TEX26: variants seen among roughly 807,000 people sequenced by gnomAD.
TEX26 encodes testis expressed 26.
TEX26 carries 34 observed loss-of-function variants against 35.3 expected under a neutral mutation model. The observed-to-expected ratio is 0.96, with a 90% confidence interval of 0.73 to 1.28. The LOEUF (loss-of-function observed/expected upper bound fraction) is 1.28, where lower values mean the gene tolerates loss of function less well. Among genes scored for constraint, TEX26 ranks in the 50% most tolerant of loss-of-function variants. The probability of loss-of-function intolerance (pLI) is 0.00; values close to 1 mark genes in which losing one functional copy is unlikely to be tolerated. For missense variants in TEX26, 371 were observed against 330.1 expected, an observed-to-expected ratio of 1.12 and a Z score of -0.96; for synonymous variants, 136 against 111.8, an observed-to-expected ratio of 1.22 and a Z score of -1.36.
At chr13:30,959,588 T>C (rs1392653283) in intron 4 of TEX26, among the ~76,000 whole-genome samples, 2 of 146,828 alleles carry the variant, frequency 1.4e-5, no homozygotes, top group East Asian at 3.8e-4. Context: ...CATTATTTCC[T>C]TTGCTTGTTG....
At chr13:30,949,696 T>C (rs1953849098) in intron 2 of TEX26, among the ~76,000 whole-genome samples, 1 of 152,054 alleles carries the variant, frequency 6.6e-6, no homozygotes, top group African/African-American at 2.4e-5. Context: ...ATGTATAAGT[T>C]GTTTGTGAAG....
At chr13:30,955,799 G>A (rs959634940) in intron 3 of TEX26, among the ~76,000 whole-genome samples, 1 of 152,206 alleles carries the variant, frequency 6.6e-6, no homozygotes, top group African/African-American at 2.4e-5. Context: ...TGCAGGCGGG[G>A]CTGGGCCTTG....
At chr13:30,949,055 A>G (rs1222037501) in intron 2 of TEX26, among the ~76,000 whole-genome samples, 1 of 152,146 alleles carries the variant, frequency 6.6e-6, no homozygotes, top group Non-Finnish European at 1.5e-5. Flanking sequence ...AGCTGTAGAT[A>G]TGCGGCATTA....
Position 30,969,000 on chromosome 13 carries a change from T to C in TEX26, c.762T>C (p.Phe254=), listed in dbSNP as rs147322456. The change falls in exon 6 of 7, where the codon TTT becomes TTC. Residue 254 remains phenylalanine (F), a synonymous_variant. Transcript: ENST00000380473. ...ATTTCTTAATGCTTTTAAACTCATT[T>C]ACTTCCTCTCAAGTCAAAGAGTACC... ...YPDFLMLLNS[F]TSSQVKEYLQ... 165 of 1,614,032 alleles carry C rather than the reference T, an allele frequency of 1.0e-4. No homozygotes were observed. The highest frequency in any genetic ancestry group is 1.3e-4 in the Non-Finnish European group (153 of 1,179,990).
At chr13:30,952,251 T>A (rs1268047510) in intron 2 of TEX26, among the ~76,000 whole-genome samples, 1 of 152,070 alleles carries the variant, frequency 6.6e-6, no homozygotes, top group Non-Finnish European at 1.5e-5. Flanking sequence ...CTAGATTCAT[T>A]ATTTCATTAT....
At position 30,944,963 on chromosome 13, in the gene TEX26, G is replaced by A. The variant is rs942861582; in HGVS notation, c.146+5185G>A. On this transcript the variant is annotated intron_variant, in intron 2 of 6. Transcript: ENST00000380473. ...TTGTAAATATTTGTTAGGTCCATTT[G>A]TTCTAGAGTGTAGTTTAAGTCCATT... Among the ~76,000 whole-genome samples the A allele has an allele frequency of 2.0e-5, 3 of 151,946 alleles. No homozygotes were observed. The East Asian group carries it at 5.8e-4, about 29-fold the overall frequency.
At chr13:30,970,378 T>G (rs1196293002) in intron 6 of TEX26, among the ~76,000 whole-genome samples, 2 of 151,442 alleles carry the variant, frequency 1.3e-5, no homozygotes, top group African/African-American at 4.9e-5. Context: ...GAACATGGAG[T>G]GAGTATGATG....
chr13:30,933,077 C>G (rs1014184754), intron 1 of TEX26: 1 of 300,928 alleles, frequency 3.3e-6, no homozygotes, highest in Admixed American at 4.5e-5. Context: ...TGGTGATTTT[C>G]CAAGGAAAAC....
At chr13:30,966,690 C>T (rs975511290) in intron 5 of TEX26, among the ~76,000 whole-genome samples, 29 of 152,162 alleles carry the variant, frequency 1.9e-4, no homozygotes, top group African/African-American at 4.3e-4. Flanking sequence ...CCACCTGCCT[C>T]GGCCTCCCAA....
At position 30,938,381 on chromosome 13, in the gene TEX26, T is replaced by A. The variant is rs189568563; in HGVS notation, c.62-1313T>A. ...TAATTTATAAGGAAAAGAAAACTAC[T>A]TTAGCTGATGGTTCTAGAGGATGGA... On this transcript the variant is annotated intron_variant, in intron 1 of 6. Coordinates refer to ENST00000380473, the MANE Select transcript of TEX26 (RefSeq NM_152325.3). 9.9e-5 allele frequency among the ~76,000 whole-genome samples: 15 copies of A among 152,258 alleles called. No individual in the cohort carries two copies. In the East Asian group the frequency reaches 2.9e-3, roughly 29 times the overall value.
At chr13:30,950,130 G>A (rs762955385) in intron 2 of TEX26, among the ~76,000 whole-genome samples, 60 of 152,172 alleles carry the variant, frequency 3.9e-4, no homozygotes, top group Admixed American at 2.0e-4. Flanking sequence ...AAGATTCTGG[G>A]CATGGTGGCT....
In TEX26 at chr13:30,932,712, C is replaced by G. The variant is rs1305411103; in HGVS notation, c.-4C>G. On this transcript the variant is annotated 5_prime_UTR_variant, in exon 1 of 7. Transcript: ENST00000380473. ...AGGGCCCCGCGGCCGCCTCCTGGGG[C>G]AGAATGGAACAGCCTGGGCCCAGGG... The G allele has an allele frequency of 6.2e-7, 1 of 1,612,960 alleles. No homozygotes were observed. The highest frequency in any genetic ancestry group is 8.5e-7 in the Non-Finnish European group (1 of 1,179,808).
intron 4 of TEX26, among the ~76,000 whole-genome samples, chr13:30,959,076 A>G (rs1954240848): frequency 6.6e-6 from 1 of 152,212 alleles, no homozygotes; most frequent in African/African-American, 2.4e-5. Flanking sequence ...GGCTTCTCTT[A>G]TTAGAACTAC....
intron 4 of TEX26, among the ~76,000 whole-genome samples, chr13:30,960,400 G>A (rs1318915237): frequency 1.3e-5 from 2 of 151,902 alleles, no homozygotes; most frequent in Admixed American, 1.3e-4. Flanking sequence ...GCACCACCAC[G>A]TCCGGCTAAT....
chr13:30,946,029 A>G (rs1953695732), intron 2 of TEX26, among the ~76,000 whole-genome samples: 1 of 151,944 alleles, frequency 6.6e-6, no homozygotes, highest in African/African-American at 2.4e-5. Flanking sequence ...GTTTTCCTCA[A>G]TTATTCCCTC....
At chr13:30,958,756 C>A (rs149925553) in intron 4 of TEX26, among the ~76,000 whole-genome samples, 2 of 152,120 alleles carry the variant, frequency 1.3e-5, no homozygotes, top group Admixed American at 6.6e-5. Context: ...GTATTAATCC[C>A]ACCCCACCGG....
intron 6 of TEX26, among the ~76,000 whole-genome samples, chr13:30,970,013 C>T (rs1227624571): frequency 2.6e-5 from 4 of 152,028 alleles, no homozygotes; most frequent in Non-Finnish European, 5.9e-5. Context: ...TGTCTCTTGT[C>T]TGACTCTCTT....
chr13:30,933,187 G>A (rs1953139536), intron 1 of TEX26: 1 of 157,140 alleles, frequency 6.4e-6, no homozygotes, highest in African/African-American at 2.4e-5. Context: ...AAACAGCAAG[G>A]AAAGTGGGGG....
intron 2 of TEX26, among the ~76,000 whole-genome samples, chr13:30,952,000 GAT>G (rs1953941667): frequency 1.6e-5 from 1 of 62,196 alleles, no homozygotes; most frequent in Admixed American, 2.0e-4. Context: ...ATTATTCTGG[GAT>G]TTTTTTTTTT....
Sources: gnomAD v4.1 joint callset for allele counts (sites outside exome capture counted in the v4.1 genomes callset) on GRCh38, gnomAD v4.1.1 for gene constraint, MANE v1.5 for transcripts, NCBI Gene and HGNC (gene_info 2026-07-23, HGNC 2026-07-21) for gene names.